KCNQ1: variants seen among roughly 807,000 people sequenced by gnomAD.
The protein encoded by KCNQ1 is potassium voltage-gated channel subfamily Q member 1.
KCNQ1 carries 49 observed loss-of-function variants against 72.4 expected under a neutral mutation model. The observed-to-expected ratio is 0.68, with a 90% CI of 0.54 to 0.86. KCNQ1 has a LOEUF of 0.86. Ranked by LOEUF, KCNQ1 falls within the 40% of genes least tolerant of loss-of-function variation. KCNQ1 has a pLI of 0.00. For missense variants in KCNQ1, 790 were observed against 945.1 expected (o/e 0.84, Z 2.15); for synonymous variants, 450 against 412.6 (o/e 1.09, Z -1.10).
chr11:2,751,668 C>T (rs1014766320), intron 11 of KCNQ1, among the ~76,000 whole-genome samples: 8 of 152,268 alleles, frequency 5.3e-5, no homozygotes, highest in African/African-American at 1.9e-4. Context: ...CCCAGGGAAG[C>T]CCTCGGTGAG....
At chr11:2,722,108 G>T (rs984797729) in intron 11 of KCNQ1, among the ~76,000 whole-genome samples, 1 of 152,150 alleles carries the variant, frequency 6.6e-6, no homozygotes, top group Non-Finnish European at 1.5e-5. Flanking sequence ...GCAGGCACAG[G>T]GTATGGGAAG....
chr11:2,717,857 C>A (rs1170092811), intron 11 of KCNQ1, among the ~76,000 whole-genome samples: 1 of 152,186 alleles, frequency 6.6e-6, no homozygotes, highest in Non-Finnish European at 1.5e-5. Context: ...CCCCTCTCCC[C>A]CGATGGCCCA....
At position 2,828,860 on chromosome 11, in the gene KCNQ1, C is replaced by G. The variant is rs183621920; in HGVS notation, c.1795-18907C>G. On this transcript the variant is annotated intron_variant, in intron 15 of 15. Transcript: ENST00000155840. The surrounding 1 kb of genome is among the most constrained non-coding windows in gnomAD (Gnocchi z 5.3). ...CAGAACACCAGCAATAAAGCAGACA[C>G]TCCACATTTCCAGAGAGAAAAAGTA... is the stretch of plus-strand genomic sequence containing the variant. 9.5e-4 allele frequency among the ~76,000 whole-genome samples: 144 copies of G among 152,356 alleles called. No individual in the cohort carries two copies. Among genetic ancestry groups the G allele is most frequent in the African/African-American group, 3.2e-3 (134 of 41,582 alleles).
At position 2,849,028 on chromosome 11, in the gene KCNQ1, G is replaced by C. The variant is rs181226788; in HGVS notation, c.*1025G>C. The stretch of plus-strand genomic sequence containing the variant: ...GCACTGCTCTCACCTTGGTTCCTGG[G>C]GCATCCATGGGGTCTCTCACAGACA... On this transcript the variant is annotated 3_prime_UTR_variant, in exon 16 of 16. Transcript: ENST00000155840. 4.1e-4 allele frequency: 185 copies of C among 454,124 alleles called. No homozygotes were observed. The highest frequency in any genetic ancestry group is 3.4e-3 in the African/African-American group (172 of 50,130). 28.1% of individuals were successfully genotyped at this position (454,124 alleles called of 1,614,324 possible).
In KCNQ1 at chr11:2,451,144, C is replaced by A. The variant is rs1846114114; in HGVS notation, c.386+5660C>A. Among the ~76,000 whole-genome samples the A allele has an allele frequency of 6.6e-6, 1 of 152,204 alleles. No individual in the cohort carries two copies. On this transcript the variant is annotated intron_variant, in intron 1 of 15. Coordinates refer to ENST00000155840, the MANE Select transcript of KCNQ1 (RefSeq NM_000218.3). The surrounding 1 kb of genome is among the most constrained non-coding windows in gnomAD (Gnocchi z 6.4). Reference sequence around the variant, plus strand: ...AGAAACACCGTTCCCCGTAGAGCAGCAGTCCCCAACCTTTTTAGTACCAGA... The same window carrying A: ...AGAAACACCGTTCCCCGTAGAGCAGAAGTCCCCAACCTTTTTAGTACCAGA...
chr11:2,700,181 G>T (rs1450969453), intron 11 of KCNQ1, among the ~76,000 whole-genome samples: 1 of 152,326 alleles, frequency 6.6e-6, no homozygotes, highest in South Asian at 2.1e-4. Context: ...ATGCCACCCG[G>T]GCTCAGATTG....
At chr11:2,675,625 C>T in intron 11 of KCNQ1, 1 of 398,626 alleles carries the variant, frequency 2.5e-6, no homozygotes, top group South Asian at 1.3e-4. Context: ...GAGAGCACCC[C>T]TTATTAGAGG....
intron 11 of KCNQ1, among the ~76,000 whole-genome samples, chr11:2,743,062 G>A (rs561856459): frequency 6.6e-6 from 1 of 152,232 alleles, no homozygotes; most frequent in Non-Finnish European, 1.5e-5. Context: ...AGAGCTCCTT[G>A]TGAGGACAGC....
intron 11 of KCNQ1, among the ~76,000 whole-genome samples, chr11:2,761,556 G>A (rs1262400633): frequency 2.0e-5 from 3 of 152,114 alleles, no homozygotes; most frequent in Admixed American, 6.5e-5. Context: ...CCAGGGACCC[G>A]CCCTTCTCCT....
In KCNQ1 at chr11:2,803,800, G is replaced by A. The variant is rs924411180; in HGVS notation, c.1794+25763G>A. Among the ~76,000 whole-genome samples the A allele has an allele frequency of 1.3e-5, 2 of 151,910 alleles. No individual in the cohort carries two copies. Among genetic ancestry groups the A allele is most frequent in the African/African-American group, 4.8e-5 (2 of 41,310 alleles). ...CCTCCTCCCCTCTCATCCCCACCTC[G>A]GGCCCACCAGCTCCCACCCTGCTAT... is the stretch of plus-strand genomic sequence containing the variant. On this transcript the variant is annotated intron_variant, in intron 15 of 15. Coordinates refer to ENST00000155840, the MANE Select transcript of KCNQ1 (RefSeq NM_000218.3). This position sits in a 1 kb window ranked among gnomAD's most constrained non-coding sequence, Gnocchi z 6.4.
At chr11:2,773,762 G>C (rs375116) in intron 12 of KCNQ1, among the ~76,000 whole-genome samples, 23,338 of 144,590 alleles carry the variant, frequency 0.16, 2,059 homozygotes, top group South Asian at 0.21. Flanking sequence ...CCATCTTACA[G>C]AAAGGAGAAT....
intron 1 of KCNQ1, chr11:2,461,826 A>T: frequency 3.0e-6 from 2 of 661,418 alleles, no homozygotes; most frequent in Non-Finnish European, 4.8e-6. Flanking sequence ...AGCTGGATAG[A>T]TGAAGTACTG....
chr11:2,604,098 C>T (rs1387063736), intron 10 of KCNQ1, among the ~76,000 whole-genome samples: 1 of 152,072 alleles, frequency 6.6e-6, no homozygotes, highest in Non-Finnish European at 1.5e-5. Context: ...AGATTGTTTC[C>T]ACATTTTGAC....
Position 2,762,151 on chromosome 11 carries a change from G to A in KCNQ1, c.1515-6693G>A, listed in dbSNP as rs758643651. ...AAAGAGGCCAGGACGTGAGGCCAGG[G>A]TAATAGTTCCTCTCGTGTGTCAGGC... On this transcript the variant is annotated intron_variant, in intron 11 of 15. Coordinates refer to ENST00000155840, the MANE Select transcript of KCNQ1 (RefSeq NM_000218.3). The surrounding 1 kb of genome is among the most constrained non-coding windows in gnomAD (Gnocchi z 4.3). 5.3e-5 allele frequency among the ~76,000 whole-genome samples: 8 copies of A among 152,204 alleles called. No homozygotes were observed. Among genetic ancestry groups the A allele is most frequent in the Non-Finnish European group, 1.2e-4 (8 of 68,034 alleles).
Position 2,830,817 on chromosome 11 carries a change from A to G in KCNQ1, c.1795-16950A>G, listed in dbSNP as rs1564909147. 6.6e-6 allele frequency among the ~76,000 whole-genome samples: 1 copy of G among 152,012 alleles called. No homozygotes were observed. The highest frequency in any genetic ancestry group is 1.5e-5 in the Non-Finnish European group (1 of 67,964). On this transcript the variant is annotated intron_variant, in intron 15 of 15. Transcript: ENST00000155840. The surrounding 1 kb of genome is among the most constrained non-coding windows in gnomAD (Gnocchi z 7.7). ...CACACCTGGGCCTTCCCCTCTCCCC[A>G]TCATCAGGTAACCCAGCACAGGCTG... is the stretch of plus-strand genomic sequence containing the variant.
chr11:2,664,532 G>A lies in KCNQ1; in HGVS notation c.1514+2451G>A, dbSNP rs940216352. The A allele has an allele frequency of 1.0e-4, 40 of 398,638 alleles. No individual in the cohort carries two copies. Among genetic ancestry groups the A allele is most frequent in the East Asian group, 7.8e-4 (22 of 28,084 alleles). The allele number at this position is 398,638 out of a possible 1,614,324, so 24.7% of individuals were successfully genotyped here. ...ACCCTGTTTCCTCAGGGCCCAAACC[G>A]CCTGGCGGCAGGGGTGTGGGGGCCG... On this transcript the variant is annotated intron_variant, in intron 11 of 15. Transcript: ENST00000155840. The surrounding 1 kb of genome is among the most constrained non-coding windows in gnomAD (Gnocchi z 5.1).
chr11:2,635,175 CTTTAG>C (rs1344623789), intron 10 of KCNQ1: 1 of 152,138 alleles, frequency 6.6e-6, no homozygotes, highest in African/African-American at 2.4e-5. Flanking sequence ...TGCAGAAGCT[CTTTAG>C]TTTAATTAGA....
intron 15 of KCNQ1, among the ~76,000 whole-genome samples, chr11:2,832,100 C>G (rs1847963834): frequency 6.6e-6 from 1 of 152,136 alleles, no homozygotes; most frequent in Non-Finnish European, 1.5e-5. Context: ...TACCCCCAGC[C>G]TTCCTGACAG....
chr11:2,749,769 C>T (rs562623941), intron 11 of KCNQ1, among the ~76,000 whole-genome samples: 3 of 151,408 alleles, frequency 2.0e-5, no homozygotes, highest in East Asian at 1.9e-4. Flanking sequence ...GCCAAGATTG[C>T]GCCACTGCAC....
Sources: allele counts gnomAD v4.1 joint callset (sites outside exome capture counted in the v4.1 genomes callset), GRCh38; gene constraint gnomAD v4.1.1; non-coding constraint Gnocchi (gnomAD v3.1); transcripts MANE v1.5; gene names NCBI Gene and HGNC (gene_info 2026-07-23, HGNC 2026-07-21).